KIAA1328: variants seen among roughly 807,000 people sequenced by gnomAD.
The protein encoded by KIAA1328 is KIAA1328, also known as protein hinderin.
In KIAA1328, 52 loss-of-function variants were observed where a neutral mutation model predicts 68.1. The observed-to-expected ratio is 0.76, with a 90% CI of 0.61 to 0.96. KIAA1328 has a LOEUF of 0.96. Among genes scored for constraint, KIAA1328 ranks in the 40% least tolerant of loss-of-function variants. The pLI is 0.00. For synonymous variants in KIAA1328, 232 were observed against 239.4 expected, an observed-to-expected ratio of 0.97 and a Z score of 0.28; for missense variants, 641 against 677.6, an observed-to-expected ratio of 0.95 and a Z score of 0.60.
At chr18:37,191,769 C>G (rs1474906834) in intron 9 of KIAA1328, among the ~76,000 whole-genome samples, 1 of 151,918 alleles carries the variant, frequency 6.6e-6, no homozygotes, top group Non-Finnish European at 1.5e-5. Flanking sequence ...ATTAGGGAAA[C>G]AGTTCTTGAG....
intron 7 of KIAA1328, among the ~76,000 whole-genome samples, chr18:37,155,922 T>G (rs543336352): frequency 5.0e-4 from 76 of 152,348 alleles, no homozygotes; most frequent in Admixed American, 9.8e-4. Flanking sequence ...CATTCTTACA[T>G]TTTTCCTTAT....
At chr18:37,096,557 T>TA in intron 7 of KIAA1328, among the ~76,000 whole-genome samples, 1 of 152,372 alleles carries the variant, frequency 6.6e-6, no homozygotes, top group East Asian at 1.9e-4. Context: ...TGTGTCTTTA[T>TA]AGCAGCATGA....
chr18:36,845,433 A>G (rs2046994798), intron 4 of KIAA1328, among the ~76,000 whole-genome samples: 1 of 151,654 alleles, frequency 6.6e-6, no homozygotes, highest in African/African-American at 2.4e-5. Context: ...AGCTATTGCT[A>G]TTTGTTTGAC....
intron 6 of KIAA1328, among the ~76,000 whole-genome samples, chr18:37,037,211 C>T (rs958750312): frequency 7.2e-5 from 11 of 152,076 alleles, no homozygotes; most frequent in East Asian, 1.9e-4. Flanking sequence ...TTCAGCTAAT[C>T]GACTCTAAAA....
chr18:37,205,581 A>G (rs561351827), intron 9 of KIAA1328, among the ~76,000 whole-genome samples: 14 of 152,226 alleles, frequency 9.2e-5, no homozygotes, highest in Non-Finnish European at 1.6e-4. Context: ...AGTAGAAAGG[A>G]CACAAATAGG....
chr18:37,205,726 C>T (rs1051531309), intron 9 of KIAA1328, among the ~76,000 whole-genome samples: 3 of 152,166 alleles, frequency 2.0e-5, no homozygotes, highest in East Asian at 1.9e-4. Flanking sequence ...AATTTTAATT[C>T]GGTTTTCCAT....
rs1187092502 is a variant in KIAA1328, at chr18:37,223,741, C to T, written c.*1514C>T. 1 of 985,352 alleles carries T rather than the reference C, an allele frequency of 1.0e-6. No homozygotes were observed. Among genetic ancestry groups the T allele is most frequent in the South Asian group, 4.7e-5 (1 of 21,276 alleles). The allele number at this position is 985,352 out of a possible 1,614,324, so 61.0% of individuals were successfully genotyped here. ...AATCTAGAAAAGCCTTGTTGAGCAG[C>T]CTCCTTATCCAGATAGATCCAAAGC... is the stretch of plus-strand genomic sequence containing the variant. On this transcript the variant is annotated 3_prime_UTR_variant, in exon 10 of 10. Transcript: ENST00000280020.
chr18:37,101,686 A>C (rs996657057), intron 7 of KIAA1328, among the ~76,000 whole-genome samples: 2 of 152,198 alleles, frequency 1.3e-5, no homozygotes, highest in Non-Finnish European at 2.9e-5. Context: ...GATACTCCTC[A>C]AGAAGAGCAA....
chr18:37,197,796 T>G (rs1262353938), intron 9 of KIAA1328, among the ~76,000 whole-genome samples: 2 of 152,142 alleles, frequency 1.3e-5, no homozygotes, highest in African/African-American at 4.8e-5. Flanking sequence ...TGGAAGCTCC[T>G]TAAAAGGCTA....
intron 3 of KIAA1328, among the ~76,000 whole-genome samples, chr18:36,840,920 A>G (rs542853226): frequency 8.5e-5 from 13 of 152,366 alleles, no homozygotes; most frequent in Non-Finnish European, 1.2e-4. Context: ...CTTATAAAGC[A>G]TAAAGAGTAG....
chr18:37,169,367 ATGTT>A (rs2059454696), intron 8 of KIAA1328, among the ~76,000 whole-genome samples: 2 of 151,910 alleles, frequency 1.3e-5, no homozygotes, highest in Non-Finnish European at 2.9e-5. Flanking sequence ...GGGTTTCACT[ATGTT>A]GGCCAGGCTG....
intron 6 of KIAA1328, among the ~76,000 whole-genome samples, chr18:37,020,736 A>C (rs2054315694): frequency 6.6e-6 from 1 of 152,210 alleles, no homozygotes; most frequent in South Asian, 2.1e-4. Flanking sequence ...CTTTTAAAGG[A>C]ATGGCCTGAT....
intron 7 of KIAA1328, among the ~76,000 whole-genome samples, chr18:37,132,827 G>A (rs2058553957): frequency 6.6e-6 from 1 of 152,148 alleles, no homozygotes; most frequent in Non-Finnish European, 1.5e-5. Context: ...GTAGCCACAA[G>A]TTGGAAACCA....
At chr18:37,192,998 A>G (rs1029603263) in intron 9 of KIAA1328, among the ~76,000 whole-genome samples, 1 of 152,106 alleles carries the variant, frequency 6.6e-6, no homozygotes, top group East Asian at 1.9e-4. Context: ...AATTTGCCCA[A>G]ATTTGCTTTT....
At chr18:37,218,764 C>T (rs753417085) in intron 9 of KIAA1328, among the ~76,000 whole-genome samples, 2 of 152,158 alleles carry the variant, frequency 1.3e-5, no homozygotes, top group Non-Finnish European at 2.9e-5. Flanking sequence ...CATACATCCT[C>T]CTTTAGCTTG....
chr18:37,048,006 A>G (rs1365271975), intron 6 of KIAA1328, among the ~76,000 whole-genome samples: 2 of 152,160 alleles, frequency 1.3e-5, no homozygotes, highest in African/African-American at 4.8e-5. Flanking sequence ...CCAAATATAC[A>G]AGATTTGGCC....
intron 7 of KIAA1328, among the ~76,000 whole-genome samples, chr18:37,146,627 T>C (rs1047905480): frequency 6.6e-6 from 1 of 152,158 alleles, no homozygotes; most frequent in African/African-American, 2.4e-5. Context: ...CAAATGGTAG[T>C]TCTGTTTTTA....
chr18:37,155,918 T>G (rs142019867), intron 7 of KIAA1328, among the ~76,000 whole-genome samples: 2 of 152,256 alleles, frequency 1.3e-5, no homozygotes, highest in African/African-American at 4.8e-5. Context: ...AGAACATTCT[T>G]ACATTTTTCC....
intron 7 of KIAA1328, among the ~76,000 whole-genome samples, chr18:37,126,668 A>C (rs987003997): frequency 2.0e-5 from 3 of 152,194 alleles, no homozygotes; most frequent in Non-Finnish European, 4.4e-5. Flanking sequence ...ACTACATACC[A>C]ATATCTCTCA....
Sources: gnomAD v4.1 joint callset for allele counts (sites outside exome capture counted in the v4.1 genomes callset) on GRCh38, gnomAD v4.1.1 for gene constraint, MANE v1.5 for transcripts, NCBI Gene and HGNC (gene_info 2026-07-23, HGNC 2026-07-21) for gene names.